Variants in LAIR1 observed in about 807,000 individuals in gnomAD.
The protein encoded by LAIR1 is leukocyte-associated immunoglobulin-like receptor 1.
In LAIR1, 24 loss-of-function variants were observed where a neutral mutation model predicts 32.8. The observed-to-expected ratio is 0.73, with a 90% confidence interval of 0.53 to 1.03. The LOEUF is 1.03. Ranked by LOEUF, LAIR1 falls within the 50% of genes least tolerant of loss-of-function variation. The probability of loss-of-function intolerance (pLI) is 0.00; values close to 1 mark genes in which losing one functional copy is unlikely to be tolerated. For missense variants in LAIR1, 355 were observed against 347.5 expected (o/e 1.02, Z -0.17); for synonymous variants, 150 against 140.5 (o/e 1.07, Z -0.48).
chr19:54,364,920 T>C lies in LAIR1; in HGVS notation c.-116A>G, dbSNP rs1419887424. 6.3e-6 allele frequency: 10 copies of C among 1,594,512 alleles called. No individual in the cohort carries two copies. Among genetic ancestry groups the C allele is most frequent in the Non-Finnish European group, 8.5e-6 (10 of 1,169,972 alleles). On this transcript the variant is annotated 5_prime_UTR_variant, in exon 1 of 10. Transcript: ENST00000391742. The surrounding 1 kb of genome is among the most constrained non-coding windows in gnomAD (Gnocchi z 4.8). Reference sequence around the variant, plus strand: ...CCGGGGGCCTCCTGCCTATGGGGCTTCCACAGCAACTGCCTCACACAAGAG... The same window carrying C: ...CCGGGGGCCTCCTGCCTATGGGGCTCCCACAGCAACTGCCTCACACAAGAG...
upstream of LAIR1, among the ~76,000 whole-genome samples, chr19:54,375,212 G>A (rs1185167596): frequency 6.6e-6 from 1 of 152,114 alleles, no homozygotes; most frequent in African/African-American, 2.4e-5. Flanking sequence ...GATCTAACCA[G>A]ACATGGGCCC....
chr19:54,355,165 C>T lies in LAIR1; in HGVS notation c.*103G>A. 1.7e-6 allele frequency: 2 copies of T among 1,166,602 alleles called. No individual in the cohort carries two copies. The highest frequency in any genetic ancestry group is 2.4e-6 in the Non-Finnish European group (2 of 826,756). 72.3% of individuals were successfully genotyped at this position (1,166,602 alleles called of 1,614,324 possible). A position where few individuals can be genotyped will look rare whatever the true frequency, so the allele number is the denominator to read the frequency against. ...CCAGGACAGCTGCCTGGCTGGCTTTCTAGATGAAGAGGAATCCAACAGGAA... is the reference window on the plus strand; with the variant it reads ...CCAGGACAGCTGCCTGGCTGGCTTTTTAGATGAAGAGGAATCCAACAGGAA... On this transcript the variant is annotated 3_prime_UTR_variant, in exon 10 of 10. Coordinates refer to ENST00000391742, the MANE Select transcript of LAIR1 (RefSeq NM_002287.6). The surrounding 1 kb of genome is among the most constrained non-coding windows in gnomAD (Gnocchi z 4.7).
the LAIR1 span, among the ~76,000 whole-genome samples, chr19:54,375,892 G>A: frequency 6.6e-6 from 1 of 151,714 alleles, no homozygotes; most frequent in Non-Finnish European, 1.5e-5. Flanking sequence ...TAACAAATTA[G>A]CCTTGAAATA....
Position 54,360,905 on chromosome 19 carries a change from G to A in LAIR1, c.364+11C>T. 6.2e-7 allele frequency: 1 copy of A among 1,607,006 alleles called. No homozygotes were observed. The highest frequency in any genetic ancestry group is 8.5e-7 in the Non-Finnish European group (1 of 1,175,456). On this transcript the variant is annotated intron_variant, in intron 3 of 9. Transcript: ENST00000391742. ...GCTGAGACTGGGGCAGGGCCCAGGT[G>A]ACGTCCTCACCTTTCACCAGCAGCT...
At position 54,361,163 on chromosome 19, in the gene LAIR1, G is replaced by T. The variant is rs145753391; in HGVS notation, c.117C>A (p.Ile39=). 7.0e-4 allele frequency: 1,133 copies of T among 1,614,208 alleles called. 11 individuals are homozygous for T. In the African/African-American group the frequency reaches 0.014, roughly 20 times the overall value. The change falls in exon 3 of 10, where the codon ATC becomes ATA. Residue 39 remains isoleucine (I), a synonymous_variant. Transcript: ENST00000391742. ...CGAAAGTCACATGGCTCCCCAGGGG[G>T]ATCACGGTGCCTGGCTCAGCCGAGA... ...PSISAEPGTV[I]PLGSHVTFVC... is the part of the protein sequence containing the mutation.
chr19:54,357,854 C>T (rs950184082), intron 4 of LAIR1, among the ~76,000 whole-genome samples: 4 of 151,366 alleles, frequency 2.6e-5, no homozygotes, highest in African/African-American at 9.8e-5. Context: ...GTCTAAGGTC[C>T]AGGACACCAC....
intron 4 of LAIR1, 76 bp from the exon 5 acceptor site, chr19:54,357,042 C>G: frequency 1.5e-6 from 2 of 1,362,722 alleles, no homozygotes; most frequent in Non-Finnish European, 2.1e-6. Flanking sequence ...CCTCCCACAT[C>G]CACTGTGGGG....
upstream of LAIR1, among the ~76,000 whole-genome samples, chr19:54,374,049 T>A (rs2082462958): frequency 6.6e-6 from 1 of 152,124 alleles, no homozygotes; most frequent in African/African-American, 2.4e-5. Context: ...GGTAGCCACT[T>A]CCCAGAGGTT....
chr19:54,369,886 C>T (rs769211652), upstream of LAIR1, among the ~76,000 whole-genome samples: 7 of 150,702 alleles, frequency 4.6e-5, no homozygotes, highest in Admixed American at 6.6e-5. Context: ...ACCTATCTTC[C>T]TCCTGAGATG....
chr19:54,363,191 C>T (rs879318483), intron 2 of LAIR1, among the ~76,000 whole-genome samples: 363 of 146,196 alleles, frequency 2.5e-3, no homozygotes, highest in South Asian at 3.9e-3. Context: ...AGGCCGGCCT[C>T]GGGGAGCCAC....
chr19:54,357,115 T>G (rs1478713563), intron 4 of LAIR1, 149 bp from the exon 5 acceptor site: 6 of 638,418 alleles, frequency 9.4e-6, no homozygotes, highest in Non-Finnish European at 1.6e-5. Context: ...CAGCAGAGTC[T>G]TCTGTGATGA....
chr19:54,355,307 C>A lies in LAIR1; in HGVS notation c.825G>T (p.Met275Ile). The change falls in exon 10 of 10, where the codon ATG (methionine) becomes ATT (isoleucine). Residue 275 changes from methionine to isoleucine, a missense_variant. Met to Ile is a conservative substitution (Grantham distance 10, BLOSUM62 1). Coordinates refer to ENST00000391742, the MANE Select transcript of LAIR1 (RefSeq NM_002287.6). This position sits in a 1 kb window ranked among gnomAD's most constrained non-coding sequence, Gnocchi z 4.7. ...CGGCTGCATACGTGATGGACTCGGCCATGGGCTTTGTGGACTGTGGGGACA... is the reference window on the plus strand; with the variant it reads ...CGGCTGCATACGTGATGGACTCGGCAATGGGCTTTGTGGACTGTGGGGACA... ...RAVSPQSTKP[M>I]AESITYAAVA... is the part of the protein sequence containing the mutation. 1 of 1,612,890 alleles carries A rather than the reference C, an allele frequency of 6.2e-7. No individual in the cohort carries two copies. The highest frequency in any genetic ancestry group is 2.2e-5 in the East Asian group (1 of 44,694).
intron 3 of LAIR1, among the ~76,000 whole-genome samples, chr19:54,360,515 G>A (rs1355865943): frequency 6.6e-6 from 1 of 152,192 alleles, no homozygotes; most frequent in Non-Finnish European, 1.5e-5. Flanking sequence ...ACCAGGAGAA[G>A]CACATTGCCT....
At chr19:54,366,057 T>C (rs1197042024), upstream of LAIR1, among the ~76,000 whole-genome samples, 1 of 151,986 alleles carries the variant, frequency 6.6e-6, no homozygotes, top group Non-Finnish European at 1.5e-5. Context: ...TTACAGGAGA[T>C]CTGCAAAGTC....
Position 54,361,030 on chromosome 19 carries a change from C to T in LAIR1, c.250G>A (p.Ala84Thr), listed in dbSNP as rs1456082992. Reference protein sequence around the residue: ...VSQASPSESEARFRIDSVREG... With the variant: ...VSQASPSESETRFRIDSVREG... ...CTTACTGAGTCAATGCGGAATCTGG[C>T]CTCTGACTCAGATGGACTAGCTTGA... The change falls in exon 3 of 10, where the codon GCC becomes ACC. Residue 84 changes from alanine (A) to threonine (T), a missense_variant. Transcript: ENST00000391742. 6.2e-7 allele frequency: 1 copy of T among 1,614,212 alleles called. No individual in the cohort carries two copies.
At chr19:54,372,038 C>T (rs1025084821), upstream of LAIR1, among the ~76,000 whole-genome samples, 3 of 151,670 alleles carry the variant, frequency 2.0e-5, no homozygotes, top group African/African-American at 7.3e-5. Context: ...AATCCACTCA[C>T]TTACTGAAGG....
In LAIR1 at chr19:54,356,601, C is replaced by T; in HGVS notation, c.473G>A (p.Gly158Asp). Residue 158 changes from glycine to aspartate, a missense_variant, in exon 6 of 10, where the codon GGC (glycine) becomes GAC (aspartate). Coordinates refer to ENST00000391742, the MANE Select transcript of LAIR1 (RefSeq NM_002287.6). ...AATATACAGATGCTCAGCTTTCAGG[C>T]CTTGGGAAGCAGGTGCATCTAAGAA... is the stretch of plus-strand genomic sequence containing the variant. ...SHNEHAPASQ[G>D]LKAEHLYILI... is the part of the protein sequence containing the mutation. 1 of 1,613,760 alleles carries T rather than the reference C, an allele frequency of 6.2e-7. No individual in the cohort carries two copies. Among genetic ancestry groups the T allele is most frequent in the African/African-American group, 1.3e-5 (1 of 74,972 alleles).
chr19:54,366,606 A>G (rs958016802), upstream of LAIR1, among the ~76,000 whole-genome samples: 13 of 152,004 alleles, frequency 8.6e-5, no homozygotes, highest in Non-Finnish European at 1.8e-4. Flanking sequence ...CTCCTGCCTC[A>G]GCCTCCCGAT....
intron 2 of LAIR1, among the ~76,000 whole-genome samples, chr19:54,361,720 G>T (rs1205874799): frequency 6.8e-6 from 1 of 148,130 alleles, no homozygotes; most frequent in African/African-American, 2.5e-5. Context: ...TGGGGTGAGG[G>T]TGAAGCCCCC....
Sources: gnomAD v4.1 joint callset for allele counts (sites outside exome capture counted in the v4.1 genomes callset) on GRCh38, gnomAD v4.1.1 for gene constraint, Gnocchi (gnomAD v3.1) non-coding constraint, MANE v1.5 for transcripts, NCBI Gene and HGNC (gene_info 2026-07-23, HGNC 2026-07-21) for gene names.